Variants in SHPK observed in about 807,000 individuals in gnomAD.
SHPK encodes carbohydrate kinase-like protein.
A neutral mutation model predicts 46.3 loss-of-function variants in SHPK; 51 were observed. That is an observed-to-expected ratio of 1.10 (90% confidence interval 0.88 to 1.39). The LOEUF (loss-of-function observed/expected upper bound fraction) is 1.39, where lower values mean the gene tolerates loss of function less well. Among genes scored for constraint, SHPK ranks in the 40% most tolerant of loss-of-function variants. The pLI, the probability that SHPK is intolerant of heterozygous loss-of-function variation, is 0.00. For synonymous variants in SHPK, 290 were observed against 273.9 expected, an observed-to-expected ratio of 1.06 and a Z score of -0.58; for missense variants, 668 against 641.3, an observed-to-expected ratio of 1.04 and a Z score of -0.45.
At chr17:3,618,371 C>T (rs998047562) in intron 5 of SHPK, among the ~76,000 whole-genome samples, 1 of 152,038 alleles carries the variant, frequency 6.6e-6, no homozygotes, top group Non-Finnish European at 1.5e-5. Context: ...TCCCAAAGTG[C>T]GGGGATTACA....
intron 2 of SHPK, among the ~76,000 whole-genome samples, chr17:3,625,150 T>C (rs2075425869): frequency 6.6e-6 from 1 of 152,318 alleles, no homozygotes; most frequent in East Asian, 1.9e-4. Context: ...CATGTTCCCA[T>C]CTTTAAATGC....
intron 4 of SHPK, among the ~76,000 whole-genome samples, chr17:3,621,911 C>A (rs1003777526): frequency 5.3e-5 from 8 of 151,942 alleles, no homozygotes; most frequent in Non-Finnish European, 1.0e-4. Flanking sequence ...CTTCAGCCTC[C>A]CAAAGTGCTG....
chr17:3,620,829 G>A (rs1364214470), intron 5 of SHPK, among the ~76,000 whole-genome samples: 1 of 152,316 alleles, frequency 6.6e-6, no homozygotes, highest in East Asian at 1.9e-4. Flanking sequence ...AAAGTGCTGG[G>A]ATTACAGGCG....
rs773139080 is a variant in SHPK at position 3,630,222 on chromosome 17, AACACG to A, written c.288_292del (p.Val97LeufsTer8). 1.9e-5 allele frequency: 31 copies of A among 1,613,650 alleles called. No individual in the cohort carries two copies. The highest frequency in any genetic ancestry group is 6.7e-5 in the Admixed American group (4 of 59,998). On this transcript the variant is annotated frameshift_variant, in exon 2 of 7. Transcript: ENST00000225519. LOFTEE classifies it high-confidence loss of function. ...CAGCATACCTTGGCCTGTTTTCCAA[AACACG>A]ACTCCATGCATCTGGCCCGACACCC...
Position 3,636,142 on chromosome 17 carries a change from G to A in SHPK, c.78C>T (p.Pro26=), listed in dbSNP as rs1445843297. 4 of 1,611,716 alleles carry A rather than the reference G, an allele frequency of 2.5e-6. No homozygotes were observed. Among genetic ancestry groups the A allele is most frequent in the Non-Finnish European group, 3.4e-6 (4 of 1,179,026 alleles). The change falls in exon 1 of 7, where the codon CCC becomes CCT. Residue 26 remains proline (P), a synonymous_variant. Transcript: ENST00000225519. ...SVKAALLRAA[P]DDPSGFAVLA... is the part of the protein sequence containing the mutation. Reference sequence around the variant, plus strand: ...GCACTGCGAACCCGGATGGGTCGTCGGGCGCGGCCCTCAGCAGAGCTGCCT... The same window carrying A: ...GCACTGCGAACCCGGATGGGTCGTCAGGCGCGGCCCTCAGCAGAGCTGCCT...
In SHPK at chr17:3,631,545, TAG is replaced by T. The variant is rs1458176901; in HGVS notation, c.169-1201_169-1200del. On this transcript the variant is annotated intron_variant, in intron 1 of 6. Coordinates refer to ENST00000225519, the MANE Select transcript of SHPK (RefSeq NM_013276.4). ...TTTTTTTTTTTTTTTTTTTTAGCGA[TAG>T]AGTCTCTCTCTATTGCTCAGGCTAG... Among the ~76,000 whole-genome samples, 2 of 106,720 alleles carry T rather than the reference TAG, an allele frequency of 1.9e-5. 1 individual carries two copies. The highest frequency in any genetic ancestry group is 3.9e-5 in the Non-Finnish European group (2 of 51,760). 70.0% of individuals were successfully genotyped at this position (106,720 alleles called of 152,430 possible).
intron 3 of SHPK, 75 bp from the exon 4 acceptor site, chr17:3,623,566 A>T (rs2075415492): frequency 2.8e-6 from 4 of 1,453,848 alleles, no homozygotes; most frequent in Middle Eastern, 1.8e-4. Flanking sequence ...AGCTGCAGGC[A>T]GCAGGGACCA....
At chr17:3,623,896 C>G (rs1200789013) in intron 3 of SHPK, 152 bp downstream of exon 3, 6 of 735,568 alleles carry the variant, frequency 8.2e-6, no homozygotes, top group Non-Finnish European at 1.1e-5. Flanking sequence ...TGGTTCTGGA[C>G]CCAATCGAGG....
chr17:3,620,300 G>A (rs1363810382), intron 5 of SHPK, among the ~76,000 whole-genome samples: 3 of 150,508 alleles, frequency 2.0e-5, no homozygotes, highest in East Asian at 1.9e-4. Context: ...TTGCTCTGTC[G>A]CCCAGGCCGG....
chr17:3,624,146 A>T lies in SHPK; in HGVS notation c.396T>A (p.Cys132Ter), dbSNP rs1014190645. ...GCAGAGAGGCCAGGAATTCGCTGCT[A>T]CATCGGCCATCCTGCCACGTGACCA... is the stretch of plus-strand genomic sequence containing the variant. ...SHLVTWQDGR[C>*]SSEFLASLPQ... Residue 132 changes from cysteine to a stop codon, truncating the protein, a stop_gained, in exon 3 of 7, where the codon TGT becomes TGA. Coordinates refer to ENST00000225519, the MANE Select transcript of SHPK (RefSeq NM_013276.4). LOFTEE classifies it high-confidence loss of function. 3.1e-6 allele frequency: 5 copies of T among 1,614,082 alleles called. No homozygotes were observed. In the African/African-American group the frequency reaches 4.0e-5, roughly 13 times the overall value.
rs182561560 is a variant in SHPK at position 3,635,746 on chromosome 17, C to T, written c.168+306G>A. Among the ~76,000 whole-genome samples, 567 of 152,200 alleles carry T rather than the reference C, an allele frequency of 3.7e-3. 4 individuals carry two copies. Among genetic ancestry groups the T allele is most frequent in the African/African-American group, 0.013 (548 of 41,526 alleles). The stretch of plus-strand genomic sequence containing the variant: ...TGGTCATTCCATACACACAAGAGAT[C>T]AGTTCCTCCAAGGTCAGGGGACAGA... On this transcript the variant is annotated intron_variant, in intron 1 of 6. Coordinates refer to ENST00000225519, the MANE Select transcript of SHPK (RefSeq NM_013276.4).
In SHPK at chr17:3,623,461, G is replaced by T; in HGVS notation, c.525C>A (p.Ala175=). The T allele has an allele frequency of 6.2e-7, 1 of 1,614,176 alleles. No homozygotes were observed. The highest frequency in any genetic ancestry group is 2.2e-5 in the East Asian group (1 of 44,894). ...RPEFLKSYDA[A]GTIHDYVVAM... is the part of the protein sequence containing the mutation. ...CAACCACATAGTCGTGGATGGTACCGGCTGCGTCGTAGGACTTCAGGAACT... is the reference window on the plus strand; with the variant it reads ...CAACCACATAGTCGTGGATGGTACCTGCTGCGTCGTAGGACTTCAGGAACT... The change falls in exon 4 of 7, where the codon GCC becomes GCA. Residue 175 remains alanine, a synonymous_variant. Coordinates refer to ENST00000225519, the MANE Select transcript of SHPK (RefSeq NM_013276.4).
chr17:3,621,637 C>CTTCCTTCT (rs35220309), intron 4 of SHPK, among the ~76,000 whole-genome samples: 1 of 139,578 alleles, frequency 7.2e-6, no homozygotes, highest in Non-Finnish European at 1.5e-5. Flanking sequence ...TCCTTCCTTC[C>CTTCCTTCT]TTCTTTCTTT....
Position 3,621,241 on chromosome 17 carries a change from A to G in SHPK, c.819T>C (p.Asp273=), listed in dbSNP as rs138388943. ...SVYSCMAQRT[D]AVLNISTSVQ... is the part of the protein sequence containing the mutation. ...CAGAACAAAAGAAAAACTTACCTGC[A>G]TCTGTCCTCTGGGCCATGCAGGAAT... Residue 273 remains aspartate (D), a synonymous_variant, in exon 5 of 7, where the codon GAT becomes GAC. Coordinates refer to ENST00000225519, the MANE Select transcript of SHPK (RefSeq NM_013276.4). 7.1e-5 allele frequency: 115 copies of G among 1,609,630 alleles called. No homozygotes were observed. The African/African-American group carries it at 1.3e-3, about 18-fold the overall frequency.
At chr17:3,616,193 C>G (rs1248523426) in intron 5 of SHPK, among the ~76,000 whole-genome samples, 2 of 152,100 alleles carry the variant, frequency 1.3e-5, no homozygotes, top group East Asian at 3.9e-4. Flanking sequence ...TTCCCCTCCA[C>G]GTGAGAGTGG....
rs142362311 is a variant in SHPK at position 3,632,896 on chromosome 17, G to T, written c.169-2550C>A. On this transcript the variant is annotated intron_variant, in intron 1 of 6. Transcript: ENST00000225519. ...AACTGATTGTCTGCACAGCTGCCAAGCTTGACCCTGGTATAGCTAATACTT... is the reference window on the plus strand; with the variant it reads ...AACTGATTGTCTGCACAGCTGCCAATCTTGACCCTGGTATAGCTAATACTT... Among the ~76,000 whole-genome samples the T allele has an allele frequency of 7.0e-4, 106 of 151,406 alleles. 1 individual carries two copies. In the East Asian group the frequency reaches 0.015, roughly 21 times the overall value.
rs1470555061 is a variant in SHPK, at chr17:3,621,392, G to T, written c.668C>A (p.Pro223His). 1.7e-5 allele frequency: 28 copies of T among 1,613,836 alleles called. No individual in the cohort carries two copies. Among genetic ancestry groups the T allele is most frequent in the Non-Finnish European group, 2.2e-5 (26 of 1,179,900 alleles). ...GGCGATGTCTGGGAGCAGGTGGACA[G>T]GAAAACCCGAGCTCCTCAGTCTGTA... Reference protein sequence around the residue: ...NVETLRSSGFPVHLLPDIAEP... With the variant: ...NVETLRSSGFHVHLLPDIAEP... Residue 223 changes from proline to histidine, a missense_variant, in exon 5 of 7, where the codon CCT becomes CAT. Transcript: ENST00000225519.
rs555867850 is a variant in SHPK, at chr17:3,624,032, G to A, written c.494+16C>T. On this transcript the variant is annotated intron_variant, in intron 3 of 6. Transcript: ENST00000225519. ...CCGGAAACCCAGCACCCGAGTGAAA[G>A]TGCAGTTGCCCGTACCGATATTTCA... 3.1e-6 allele frequency: 5 copies of A among 1,588,144 alleles called. No individual in the cohort carries two copies. Among genetic ancestry groups the A allele is most frequent in the South Asian group, 1.1e-5 (1 of 89,574 alleles).
chr17:3,619,583 A>G (rs926477634), intron 5 of SHPK: 19 of 440,692 alleles, frequency 4.3e-5, no homozygotes, highest in African/African-American at 3.5e-4. Flanking sequence ...AAATGCAAAC[A>G]TTAACCAGCC....
Sources: allele counts gnomAD v4.1 joint callset (sites outside exome capture counted in the v4.1 genomes callset), GRCh38; gene constraint gnomAD v4.1.1; transcripts MANE v1.5; gene names NCBI Gene and HGNC (gene_info 2026-07-23, HGNC 2026-07-21).